CCDC73: variants seen among roughly 807,000 people sequenced by gnomAD.
The protein encoded by CCDC73 is coiled-coil domain-containing protein 73.
A neutral mutation model predicts 116.5 loss-of-function variants in CCDC73; 95 were observed. That is an observed-to-expected ratio of 0.82 (90% CI 0.69 to 0.97). The LOEUF (loss-of-function observed/expected upper bound fraction) is 0.97, where lower values mean the gene tolerates loss of function less well. Ranked by LOEUF, CCDC73 falls within the 50% of genes least tolerant of loss-of-function variation. The probability of loss-of-function intolerance (pLI) is 0.00; values close to 1 mark genes in which losing one functional copy is unlikely to be tolerated. For missense variants in CCDC73, 1,066 were observed against 1,206.8 expected (o/e 0.88, Z 1.73); for synonymous variants, 398 against 401.3 (o/e 0.99, Z 0.10).
intron 14 of CCDC73, among the ~76,000 whole-genome samples, chr11:32,619,121 C>A (rs140914358): frequency 6.6e-6 from 1 of 152,112 alleles, no homozygotes; most frequent in Non-Finnish European, 1.5e-5. Context: ...TGTCTATTTA[C>A]TCTGTTGATA....
intron 1 of CCDC73, among the ~76,000 whole-genome samples, chr11:32,779,087 T>C (rs1363858859): frequency 6.6e-6 from 1 of 152,086 alleles, no homozygotes; most frequent in African/African-American, 2.4e-5. Flanking sequence ...TCCATGAATA[T>C]GTTACAGGTA....
At chr11:32,660,245 A>AG (rs996348121) in intron 9 of CCDC73, among the ~76,000 whole-genome samples, 3 of 150,670 alleles carry the variant, frequency 2.0e-5, no homozygotes, top group African/African-American at 7.3e-5. Flanking sequence ...AAAAAAAAAA[A>AG]AAAAAAAAAA....
At chr11:32,702,800 C>T (rs1251548892) in intron 4 of CCDC73, 73 bp downstream of exon 4, 15 of 1,014,532 alleles carry the variant, frequency 1.5e-5, no homozygotes, top group Non-Finnish European at 2.4e-5. Context: ...GAACAGCTTG[C>T]CATAATATTC....
At chr11:32,650,238 ATATCT>A (rs1389009540) in intron 12 of CCDC73, among the ~76,000 whole-genome samples, 1 of 152,210 alleles carries the variant, frequency 6.6e-6, no homozygotes, top group African/African-American at 2.4e-5. Context: ...TCTAGGAAAA[ATATCT>A]TAACAGTATG....
At chr11:32,646,221 T>A (rs1005768762) in intron 12 of CCDC73, among the ~76,000 whole-genome samples, 1 of 152,222 alleles carries the variant, frequency 6.6e-6, no homozygotes, top group Non-Finnish European at 1.5e-5. Flanking sequence ...GAGACATCCA[T>A]CCTTTCATTA....
At chr11:32,734,218 C>T in intron 2 of CCDC73, among the ~76,000 whole-genome samples, 1 of 152,054 alleles carries the variant, frequency 6.6e-6, no homozygotes, top group Non-Finnish European at 1.5e-5. Context: ...CAAGACTAAA[C>T]GAGGAAGAAA....
intron 14 of CCDC73, among the ~76,000 whole-genome samples, chr11:32,625,544 A>G (rs1255351887): frequency 6.6e-6 from 1 of 152,116 alleles, no homozygotes; most frequent in African/African-American, 2.4e-5. Context: ...TATGAAGCTT[A>G]GTTTGGCTGG....
At chr11:32,743,749 A>C (rs1202426820) in intron 2 of CCDC73, among the ~76,000 whole-genome samples, 1 of 152,180 alleles carries the variant, frequency 6.6e-6, no homozygotes. Flanking sequence ...ATTTTTGCAC[A>C]TTGATTTTGT....
At chr11:32,798,915 T>TGGA (rs1554971670), upstream of CCDC73, among the ~76,000 whole-genome samples, 1 of 143,086 alleles carries the variant, frequency 7.0e-6, no homozygotes. Context: ...TTGTTTGTTT[T>TGGA]GGGGGGGGGC....
the CCDC73 span, among the ~76,000 whole-genome samples, chr11:32,803,909 C>A: frequency 2.0e-5 from 3 of 151,564 alleles, no homozygotes; most frequent in South Asian, 6.3e-4. Flanking sequence ...CAGGTTCAAG[C>A]GATTCTTCTG....
At chr11:32,652,016 AG>A (rs1855830017) in intron 12 of CCDC73, among the ~76,000 whole-genome samples, 1 of 152,212 alleles carries the variant, frequency 6.6e-6, no homozygotes, top group African/African-American at 2.4e-5. Context: ...AGAACCACTA[AG>A]GTTTTTTAAG....
the CCDC73 span, among the ~76,000 whole-genome samples, chr11:32,823,182 A>G: frequency 6.6e-6 from 1 of 151,950 alleles, no homozygotes; most frequent in East Asian, 1.9e-4. Flanking sequence ...ATCTTAAAAT[A>G]TTGAAGATAG....
intron 12 of CCDC73, among the ~76,000 whole-genome samples, chr11:32,647,908 T>C (rs1215866272): frequency 6.6e-6 from 1 of 151,666 alleles, no homozygotes; most frequent in Non-Finnish European, 1.5e-5. Context: ...AATTTCAAAC[T>C]ACCATTGGTT....
At chr11:32,793,877 C>T (rs572290455) in intron 1 of CCDC73, among the ~76,000 whole-genome samples, 2 of 152,234 alleles carry the variant, frequency 1.3e-5, no homozygotes, top group South Asian at 2.1e-4. Context: ...TCCCAAAGTG[C>T]TGGGACTACA....
intron 14 of CCDC73, among the ~76,000 whole-genome samples, chr11:32,628,161 G>T (rs1028356422): frequency 6.6e-6 from 1 of 152,060 alleles, no homozygotes; most frequent in Non-Finnish European, 1.5e-5. Context: ...TTTAGACAAT[G>T]AACTACAAAC....
intron 14 of CCDC73, among the ~76,000 whole-genome samples, chr11:32,625,218 C>T (rs1334969925): frequency 1.3e-5 from 2 of 152,122 alleles, no homozygotes; most frequent in African/African-American, 2.4e-5. Context: ...ATTAATGGAT[C>T]TTGACTCTTT....
At chr11:32,818,962 A>G in the CCDC73 span, among the ~76,000 whole-genome samples, 1 of 152,230 alleles carries the variant, frequency 6.6e-6, no homozygotes, top group South Asian at 2.1e-4. Context: ...TTTGGGGGCC[A>G]TGAAAATGTT....
intron 2 of CCDC73, among the ~76,000 whole-genome samples, chr11:32,722,786 T>C (rs966204797): frequency 2.6e-5 from 4 of 152,206 alleles, no homozygotes; most frequent in Non-Finnish European, 5.9e-5. Context: ...GGCCTTACCA[T>C]GATCTAGATA....
intron 2 of CCDC73, among the ~76,000 whole-genome samples, chr11:32,733,504 A>T (rs544155384): frequency 2.0e-5 from 3 of 152,294 alleles, no homozygotes; most frequent in Admixed American, 1.3e-4. Context: ...TCCAAAATTG[A>T]CCACATAGTT....
Sources: gnomAD v4.1 joint callset for allele counts (sites outside exome capture counted in the v4.1 genomes callset) on GRCh38, gnomAD v4.1.1 for gene constraint, MANE v1.5 for transcripts, NCBI Gene and HGNC (gene_info 2026-07-23, HGNC 2026-07-21) for gene names.